CAPZA2: variants seen among roughly 807,000 people sequenced by gnomAD.
The protein encoded by CAPZA2 is capping actin protein of muscle Z-line subunit alpha 2.
CAPZA2 carries 13 observed loss-of-function variants against 44.0 expected under a neutral mutation model. The ratio of observed to expected loss-of-function variants is 0.30; its 90% CI spans 0.19 to 0.47. The LOEUF (loss-of-function observed/expected upper bound fraction) is 0.47, where lower values mean the gene tolerates loss of function less well. Ranked by LOEUF, CAPZA2 falls within the 20% of genes least tolerant of loss-of-function variation. The pLI is 1.00. For synonymous variants in CAPZA2, 94 were observed against 108.2 expected, an observed-to-expected ratio of 0.87 and a Z score of 0.81; for missense variants, 244 against 338.6, an observed-to-expected ratio of 0.72 and a Z score of 2.19.
chr7:116,877,551 AT>A (rs1356426841), intron 1 of CAPZA2, among the ~76,000 whole-genome samples: 2 of 152,206 alleles, frequency 1.3e-5, no homozygotes, highest in Non-Finnish European at 2.9e-5. Context: ...AGTAATAGCC[AT>A]TATTTGAGTG....
At chr7:116,904,474 C>G in intron 5 of CAPZA2, 91 bp downstream of exon 5, 1 of 747,796 alleles carries the variant, frequency 1.3e-6, no homozygotes, top group Non-Finnish European at 2.3e-6. Flanking sequence ...ACAGAATTGA[C>G]ATTGTATAAT....
At chr7:116,882,712 A>G (rs1796717070) in intron 1 of CAPZA2, among the ~76,000 whole-genome samples, 1 of 152,200 alleles carries the variant, frequency 6.6e-6, no homozygotes, top group African/African-American at 2.4e-5. Flanking sequence ...AGAATGGAGC[A>G]TATTTTTTAT....
Position 116,921,762 on chromosome 7 carries a change from A to C in CAPZA2, c.*3895A>C, listed in dbSNP as rs1251764989. ...AAAATTGAGGTTTTGAGGAGTTACT[A>C]GTAATGACAAATATGACCAACGGAG... On this transcript the variant is annotated 3_prime_UTR_variant, in exon 10 of 10. Transcript: ENST00000361183. 6.6e-6 allele frequency: 1 copy of C among 152,212 alleles called. No individual in the cohort carries two copies. Among genetic ancestry groups the C allele is most frequent in the Non-Finnish European group, 1.5e-5 (1 of 68,066 alleles). 9.4% of individuals were successfully genotyped at this position (152,212 alleles called of 1,614,324 possible). A position where few individuals can be genotyped will look rare whatever the true frequency, so the allele number is the denominator to read the frequency against.
At chr7:116,912,456 C>A (rs1045558885) in intron 8 of CAPZA2, among the ~76,000 whole-genome samples, 2 of 152,060 alleles carry the variant, frequency 1.3e-5, no homozygotes, top group African/African-American at 2.4e-5. Flanking sequence ...AAACACTGTA[C>A]CATTAGCAAT....
chr7:116,880,696 C>CTTTTTTCTTTTTTTTTTTTTTTTTTTTTT (rs1796684063), intron 1 of CAPZA2, among the ~76,000 whole-genome samples: 1 of 24,686 alleles, frequency 4.1e-5, no homozygotes, highest in Non-Finnish European at 8.0e-5. Flanking sequence ...TGTAACCTGC[C>CTTTTTTCTTTTTTTTTTTTTTTTTTTTTT]TTTTTTTTTT....
intron 3 of CAPZA2, among the ~76,000 whole-genome samples, chr7:116,894,003 T>A (rs1295175665): frequency 6.6e-6 from 1 of 151,564 alleles, no homozygotes; most frequent in Non-Finnish European, 1.5e-5. Context: ...CATTCTTTCT[T>A]ACAAAGAAAG....
chr7:116,893,651 G>T (rs1289654466), intron 3 of CAPZA2, among the ~76,000 whole-genome samples: 1 of 152,214 alleles, frequency 6.6e-6, no homozygotes, highest in Non-Finnish European at 1.5e-5. Context: ...GGAAGAAATT[G>T]TGGTTGCTAC....
chr7:116,890,430 G>A (rs1414709095), intron 2 of CAPZA2, among the ~76,000 whole-genome samples: 1 of 148,300 alleles, frequency 6.7e-6, no homozygotes, highest in Non-Finnish European at 1.5e-5. Context: ...CAGCGCTTTG[G>A]GAGGCCAAGC....
chr7:116,916,891 C>T (rs1380827062), intron 9 of CAPZA2, among the ~76,000 whole-genome samples: 1 of 152,208 alleles, frequency 6.6e-6, no homozygotes, highest in Non-Finnish European at 1.5e-5. Context: ...GTTAGGGATG[C>T]TCAACCTGTA....
At chr7:116,870,955 T>G (rs940064667) in intron 1 of CAPZA2, among the ~76,000 whole-genome samples, 2 of 152,138 alleles carry the variant, frequency 1.3e-5, no homozygotes, top group Non-Finnish European at 2.9e-5. Flanking sequence ...TTAGTTTTGG[T>G]TGTACGGAGT....
chr7:116,888,326 T>A, intron 2 of CAPZA2, 136 bp downstream of exon 2: 1 of 556,062 alleles, frequency 1.8e-6, no homozygotes, highest in Non-Finnish European at 3.2e-6. Context: ...AATATGTTAG[T>A]CTGGATTTTG....
chr7:116,889,898 C>T (rs1230831095), intron 2 of CAPZA2, among the ~76,000 whole-genome samples: 4 of 152,138 alleles, frequency 2.6e-5, no homozygotes, highest in African/African-American at 7.2e-5. Flanking sequence ...ACTTTTACTT[C>T]GTGTAAGATT....
chr7:116,894,363 A>G (rs1418725714), intron 3 of CAPZA2, among the ~76,000 whole-genome samples: 1 of 146,468 alleles, frequency 6.8e-6, no homozygotes, highest in Non-Finnish European at 1.5e-5. Flanking sequence ...TCCGTCTCAA[A>G]AAAAAAAAAA....
chr7:116,918,625 T>C lies in CAPZA2; in HGVS notation c.*758T>C, dbSNP rs1000098302. 10 of 152,594 alleles carry C rather than the reference T, an allele frequency of 6.6e-5. No homozygotes were observed. 9.5% of individuals were successfully genotyped at this position (152,594 alleles called of 1,614,324 possible). ...ACAAATGTATTATAACAAGGCAAATTGTAATATATATAATCCTGAACTCAT... is the reference window on the plus strand; with the variant it reads ...ACAAATGTATTATAACAAGGCAAATCGTAATATATATAATCCTGAACTCAT... On this transcript the variant is annotated 3_prime_UTR_variant, in exon 10 of 10. Transcript: ENST00000361183.
At chr7:116,887,774 A>G (rs1193744021) in intron 1 of CAPZA2, among the ~76,000 whole-genome samples, 3 of 152,270 alleles carry the variant, frequency 2.0e-5, no homozygotes, top group Non-Finnish European at 1.5e-5. Context: ...CAGAAGTTGC[A>G]GTGAGCTGAG....
chr7:116,865,177 CTTTTTT>C (rs1011886318), intron 1 of CAPZA2, among the ~76,000 whole-genome samples: 11 of 87,990 alleles, frequency 1.3e-4, no homozygotes, highest in African/African-American at 3.5e-4. Context: ...GCGCTCTCTT[CTTTTTT>C]TTTTTTTTTT....
At chr7:116,865,466 G>T (rs1796472142) in intron 1 of CAPZA2, among the ~76,000 whole-genome samples, 1 of 151,576 alleles carries the variant, frequency 6.6e-6, no homozygotes, top group South Asian at 2.1e-4. Flanking sequence ...GATTACAGGC[G>T]TGAGCCACCA....
chr7:116,888,345 A>G (rs1345830783), intron 2 of CAPZA2, 155 bp downstream of exon 2: 5 of 512,308 alleles, frequency 9.8e-6, no homozygotes, highest in East Asian at 3.1e-5. Context: ...TGTAATGGCT[A>G]GAATATAATG....
rs1032226080 is a variant in CAPZA2 at position 116,868,459 on chromosome 7, G to A, written c.39+5809G>A. Among the ~76,000 whole-genome samples the A allele has an allele frequency of 4.6e-5, 7 of 152,216 alleles. No homozygotes were observed. In the East Asian group the frequency reaches 9.7e-4, roughly 21 times the overall value. On this transcript the variant is annotated intron_variant, in intron 1 of 9. Transcript: ENST00000361183. ...TTAGAAATGTTTTTATTGGCTGGGCGCGGTGACTCACACCTGTAACCCCAG... is the reference window on the plus strand; with the variant it reads ...TTAGAAATGTTTTTATTGGCTGGGCACGGTGACTCACACCTGTAACCCCAG...
Sources: gnomAD v4.1 joint callset for allele counts (sites outside exome capture counted in the v4.1 genomes callset) on GRCh38, gnomAD v4.1.1 for gene constraint, MANE v1.5 for transcripts, NCBI Gene and HGNC (gene_info 2026-07-23, HGNC 2026-07-21) for gene names.